Variants in DAB2IP observed in about 807,000 individuals in gnomAD.
DAB2IP encodes DAB2 interacting protein.
In DAB2IP, 28 loss-of-function variants were observed where a neutral mutation model predicts 107.2. The ratio of observed to expected loss-of-function variants is 0.26; its 90% CI spans 0.19 to 0.36. DAB2IP has a LOEUF of 0.36. Among genes scored for constraint, DAB2IP ranks in the 10% least tolerant of loss-of-function variants. The probability of loss-of-function intolerance (pLI) is 1.00; values close to 1 mark genes in which losing one functional copy is unlikely to be tolerated. For missense variants in DAB2IP, 1,400 were observed against 1,644.7 expected, an observed-to-expected ratio of 0.85 and a Z score of 2.57; for synonymous variants, 755 against 706.4, an observed-to-expected ratio of 1.07 and a Z score of -1.09.
intron 1 of DAB2IP, among the ~76,000 whole-genome samples, chr9:121,656,390 C>A (rs942162442): frequency 1.3e-5 from 2 of 152,188 alleles, no homozygotes; most frequent in African/African-American, 4.8e-5. Context: ...CTGAGAACAG[C>A]CCTGAGGTGG....
chr9:121,704,757 A>G (rs1184383375), intron 3 of DAB2IP, among the ~76,000 whole-genome samples: 1 of 152,124 alleles, frequency 6.6e-6, no homozygotes, highest in Non-Finnish European at 1.5e-5. Context: ...CCTATCATTC[A>G]TAAGGATGCC....
At chr9:121,587,143 C>T (rs941417478) in intron 1 of DAB2IP, among the ~76,000 whole-genome samples, 3 of 152,188 alleles carry the variant, frequency 2.0e-5, no homozygotes, top group Non-Finnish European at 2.9e-5. Flanking sequence ...CTCGGAGAAG[C>T]GAACTGGTGC....
chr9:121,703,840 C>T (rs1354457509), intron 3 of DAB2IP, among the ~76,000 whole-genome samples: 2 of 152,144 alleles, frequency 1.3e-5, no homozygotes, highest in African/African-American at 4.8e-5. Flanking sequence ...TGGCCTCATC[C>T]TGAGGTTCAA....
intron 2 of DAB2IP, among the ~76,000 whole-genome samples, chr9:121,695,695 A>G (rs924158687): frequency 2.0e-5 from 3 of 152,116 alleles, no homozygotes; most frequent in Admixed American, 2.0e-4. Context: ...CAAGGGAGTG[A>G]TTATGGGGAC....
chr9:121,723,810 A>G (rs1263511217), intron 3 of DAB2IP, among the ~76,000 whole-genome samples: 2 of 152,136 alleles, frequency 1.3e-5, no homozygotes, highest in Admixed American at 1.3e-4. Context: ...TTGTCTACTT[A>G]GGCTGGTGAG....
chr9:121,629,878 C>A, intron 1 of DAB2IP, among the ~76,000 whole-genome samples: 1 of 152,326 alleles, frequency 6.6e-6, no homozygotes, highest in South Asian at 2.1e-4. Flanking sequence ...ACCCCCGCCT[C>A]TCAGCCAGGG....
chr9:121,616,099 CCCTGGG>C (rs1490018632), intron 1 of DAB2IP, among the ~76,000 whole-genome samples: 3 of 152,158 alleles, frequency 2.0e-5, no homozygotes, highest in Admixed American at 2.0e-4. Flanking sequence ...CCAGCCCTGT[CCCTGGG>C]CCTGGGACCC....
At chr9:121,589,832 G>A (rs1361549922) in intron 1 of DAB2IP, among the ~76,000 whole-genome samples, 1 of 152,078 alleles carries the variant, frequency 6.6e-6, no homozygotes, top group Non-Finnish European at 1.5e-5. Context: ...TGACTCTGAA[G>A]GGCCATCCCA....
At chr9:121,768,545 C>T in exon 10 of DAB2IP, 1 of 1,614,240 alleles carries the variant, frequency 6.2e-7, no homozygotes, top group Non-Finnish European at 8.5e-7. Context: ...CTCTCCAATA[C>T]AGCCGGCTTC....
intron 14 of DAB2IP, among the ~76,000 whole-genome samples, chr9:121,778,390 A>G (rs1835355207): frequency 6.6e-6 from 1 of 152,156 alleles, no homozygotes; most frequent in Non-Finnish European, 1.5e-5. Flanking sequence ...AAGTGGGTTT[A>G]TTTTACGGGC....
chr9:121,580,923 C>T (rs1273169296), intron 1 of DAB2IP, among the ~76,000 whole-genome samples: 2 of 152,240 alleles, frequency 1.3e-5, no homozygotes, highest in Non-Finnish European at 2.9e-5. Flanking sequence ...CCGCGCCTGG[C>T]CGCCCATCTA....
At position 121,702,855 on chromosome 9, in the gene DAB2IP, T is replaced by C. The variant is rs1368153417; in HGVS notation, c.362+3397T>C. Among the ~76,000 whole-genome samples, 1 of 152,182 alleles carries C rather than the reference T, an allele frequency of 6.6e-6. No homozygotes were observed. The highest frequency in any genetic ancestry group is 1.5e-5 in the Non-Finnish European group (1 of 68,024). ...CTGGGTGACTCTAGCCCTCCACACC[T>C]GCTGGGAATATGCTTCCTTTGGCAT... On this transcript the variant is annotated intron_variant, in intron 3 of 15. Transcript: ENST00000408936. This position sits in a 1 kb window ranked among gnomAD's most constrained non-coding sequence, Gnocchi z 4.5.
chr9:121,597,883 C>A (rs1830562176), intron 1 of DAB2IP, among the ~76,000 whole-genome samples: 1 of 152,204 alleles, frequency 6.6e-6, no homozygotes, highest in Admixed American at 6.5e-5. Context: ...CTCCTTCCTG[C>A]CTTCATTCAA....
chr9:121,747,902 A>G (rs1832829397), intron 3 of DAB2IP, among the ~76,000 whole-genome samples: 1 of 151,996 alleles, frequency 6.6e-6, no homozygotes, highest in Admixed American at 6.6e-5. Flanking sequence ...GGAAAGGTAA[A>G]TGTGTTCCTG....
intron 3 of DAB2IP, among the ~76,000 whole-genome samples, chr9:121,747,857 CAAA>C (rs35203556): frequency 3.9e-5 from 5 of 128,044 alleles, no homozygotes; most frequent in South Asian, 2.6e-4. Flanking sequence ...TCCTCCCCCG[CAAA>C]AAAAAAAAAA....
At chr9:121,606,614 C>T (rs79654679) in intron 1 of DAB2IP, among the ~76,000 whole-genome samples, 1 of 152,080 alleles carries the variant, frequency 6.6e-6, no homozygotes, top group Non-Finnish European at 1.5e-5. Flanking sequence ...GAAGGAGGCT[C>T]TCCTTATTGA....
chr9:121,728,527 C>T (rs962440903), intron 3 of DAB2IP, among the ~76,000 whole-genome samples: 2 of 152,138 alleles, frequency 1.3e-5, no homozygotes, highest in Admixed American at 6.5e-5. Flanking sequence ...AGGGAACTCA[C>T]GGGTCTTATT....
chr9:121,676,727 C>T (rs1833928550), intron 1 of DAB2IP, among the ~76,000 whole-genome samples: 2 of 152,242 alleles, frequency 1.3e-5, no homozygotes, highest in Middle Eastern at 3.4e-3. Flanking sequence ...CTGTAGGAGC[C>T]AAAAGCGAGG....
At chr9:121,642,635 A>AAAAAG (rs1282081538) in intron 1 of DAB2IP, among the ~76,000 whole-genome samples, 23 of 142,942 alleles carry the variant, frequency 1.6e-4, no homozygotes, top group South Asian at 6.7e-4. Flanking sequence ...AAAAAAAAAA[A>AAAAAG]GAACAGGGGC....
Sources: gnomAD v4.1 joint callset for allele counts (sites outside exome capture counted in the v4.1 genomes callset) on GRCh38, gnomAD v4.1.1 for gene constraint, Gnocchi (gnomAD v3.1) non-coding constraint, MANE v1.5 for transcripts, NCBI Gene and HGNC (gene_info 2026-07-23, HGNC 2026-07-21) for gene names.